The following SNX29 variants were observed in gnomAD, a reference collection of about 807,000 sequenced individuals.
SNX29 encodes the protein sorting nexin-29.
A neutral mutation model predicts 102.1 loss-of-function variants in SNX29; 78 were observed. That is an observed-to-expected ratio of 0.76 (90% confidence interval 0.64 to 0.92). The LOEUF (loss-of-function observed/expected upper bound fraction) is 0.92, where lower values mean the gene tolerates loss of function less well. Among genes scored for constraint, SNX29 ranks in the 40% least tolerant of loss-of-function variants. The probability of loss-of-function intolerance (pLI) is 0.00; values close to 1 mark genes in which losing one functional copy is unlikely to be tolerated. For synonymous variants in SNX29, 580 were observed against 414.5 expected (o/e 1.40, Z -4.85); for missense variants, 1,280 against 1,061.7 (o/e 1.21, Z -2.86).
chr16:12,409,421 CTTTTTTTTTTTTTT>C (rs71139589), intron 18 of SNX29, among the ~76,000 whole-genome samples: 30 of 89,642 alleles, frequency 3.3e-4, no homozygotes, highest in African/African-American at 1.3e-3. Context: ...GATTCACTGT[CTTTTTTTTTTTTTT>C]TTTTTTTTTT....
At chr16:12,554,403 C>T (rs560610375) in intron 20 of SNX29, among the ~76,000 whole-genome samples, 45 of 152,228 alleles carry the variant, frequency 3.0e-4, no homozygotes, top group Non-Finnish European at 4.9e-4. Flanking sequence ...GGGTGTGCAT[C>T]GTCTTCTGTA....
chr16:12,021,648 G>T (rs1204684500), intron 3 of SNX29, among the ~76,000 whole-genome samples: 1 of 151,996 alleles, frequency 6.6e-6, no homozygotes, highest in African/African-American at 2.4e-5. Context: ...AGCACTTTGG[G>T]GGGCCAAGGT....
intron 15 of SNX29, among the ~76,000 whole-genome samples, chr16:12,352,127 C>T (rs1364077768): frequency 6.6e-6 from 1 of 152,106 alleles, no homozygotes; most frequent in Admixed American, 6.5e-5. Flanking sequence ...AAATGTCCAA[C>T]AATGATAGAC....
intron 14 of SNX29, among the ~76,000 whole-genome samples, chr16:12,217,553 C>T (rs2077357527): frequency 6.6e-6 from 1 of 152,186 alleles, no homozygotes; most frequent in Admixed American, 6.5e-5. Context: ...ATGTCTGCCA[C>T]CCGTAGGTGA....
chr16:12,496,825 G>A (rs1034311485), intron 19 of SNX29, among the ~76,000 whole-genome samples: 3 of 152,160 alleles, frequency 2.0e-5, no homozygotes, highest in Non-Finnish European at 4.4e-5. Flanking sequence ...TTTGGAGCAG[G>A]TGATTTTTTT....
intron 18 of SNX29, among the ~76,000 whole-genome samples, chr16:12,467,878 C>T (rs771233984): frequency 2.4e-4 from 37 of 152,162 alleles, no homozygotes; most frequent in South Asian, 2.1e-4. Flanking sequence ...AGAAACCTCA[C>T]GGAGTGAGGG....
intron 15 of SNX29, among the ~76,000 whole-genome samples, chr16:12,341,415 G>A (rs2081606575): frequency 6.6e-6 from 1 of 152,210 alleles, no homozygotes; most frequent in Non-Finnish European, 1.5e-5. Context: ...AGACTTTCAG[G>A]CCCATTGTGA....
At chr16:12,078,735 A>G (rs149034886) in intron 10 of SNX29, 98 bp from the exon 11 acceptor site, 9 of 944,414 alleles carry the variant, frequency 9.5e-6, no homozygotes, top group Non-Finnish European at 1.5e-5. Context: ...CTTCTAGTAG[A>G]GGTACCGGAG....
At chr16:12,168,595 C>G (rs1338446463) in intron 13 of SNX29, among the ~76,000 whole-genome samples, 1 of 152,146 alleles carries the variant, frequency 6.6e-6, no homozygotes, top group African/African-American at 2.4e-5. Context: ...GTGCCTTGGC[C>G]GTAGCACAGG....
chr16:12,377,144 T>G (rs1044053153), intron 16 of SNX29, among the ~76,000 whole-genome samples: 1 of 152,202 alleles, frequency 6.6e-6, no homozygotes, highest in Non-Finnish European at 1.5e-5. Flanking sequence ...GCAGTAACTA[T>G]GTGGTTTCAG....
chr16:12,499,386 G>T (rs1161341952), intron 19 of SNX29, among the ~76,000 whole-genome samples: 1 of 152,176 alleles, frequency 6.6e-6, no homozygotes, highest in Non-Finnish European at 1.5e-5. Context: ...TGCCAGTAAT[G>T]CCAGCACCCG....
chr16:11,999,444 C>A, intron 2 of SNX29, 86 bp downstream of exon 2: 9 of 1,291,466 alleles, frequency 7.0e-6, no homozygotes, highest in Non-Finnish European at 9.9e-6. Flanking sequence ...ATAACATACA[C>A]AGACTAACTC....
chr16:12,158,457 C>T (rs2055647832), intron 13 of SNX29, among the ~76,000 whole-genome samples: 1 of 152,210 alleles, frequency 6.6e-6, no homozygotes, highest in African/African-American at 2.4e-5. Context: ...ACCTCGGCCT[C>T]CCAAAGTGCT....
At chr16:12,384,174 G>A (rs946155867) in intron 16 of SNX29, among the ~76,000 whole-genome samples, 4 of 152,230 alleles carry the variant, frequency 2.6e-5, no homozygotes, top group African/African-American at 9.7e-5. Flanking sequence ...TAGCACTGCA[G>A]TAAACGTGGG....
At chr16:12,276,074 G>C (rs1336270805) in intron 14 of SNX29, among the ~76,000 whole-genome samples, 1 of 151,900 alleles carries the variant, frequency 6.6e-6, no homozygotes, top group African/African-American at 2.4e-5. Context: ...TGTATTTTTA[G>C]TAGAGACAGG....
intron 11 of SNX29, among the ~76,000 whole-genome samples, chr16:12,114,910 G>T (rs138282663): frequency 6.6e-6 from 1 of 152,144 alleles, no homozygotes; most frequent in Admixed American, 6.5e-5. Flanking sequence ...GCTTCGTGGC[G>T]TGATTTGGAG....
At chr16:12,497,377 T>A (rs1345325309) in intron 19 of SNX29, among the ~76,000 whole-genome samples, 1 of 152,204 alleles carries the variant, frequency 6.6e-6, no homozygotes, top group African/African-American at 2.4e-5. Context: ...CACAGTCTCA[T>A]AGGGCCTCCG....
intron 13 of SNX29, among the ~76,000 whole-genome samples, chr16:12,160,212 C>A (rs116156974): frequency 6.6e-6 from 1 of 152,304 alleles, no homozygotes; most frequent in East Asian, 1.9e-4. Flanking sequence ...CTGGACCCCA[C>A]GAACTGCCTC....
At chr16:12,496,376 C>T (rs896670136) in intron 19 of SNX29, among the ~76,000 whole-genome samples, 1 of 152,106 alleles carries the variant, frequency 6.6e-6, no homozygotes, top group Non-Finnish European at 1.5e-5. Context: ...CGAGGCTGGT[C>T]TTCCTCTTTA....
Sources: gnomAD v4.1 joint callset for allele counts (sites outside exome capture counted in the v4.1 genomes callset) on GRCh38, gnomAD v4.1.1 for gene constraint, MANE v1.5 for transcripts, NCBI Gene and HGNC (gene_info 2026-07-23, HGNC 2026-07-21) for gene names.